Variants in FOXP4 observed in about 807,000 individuals in gnomAD.
The protein encoded by FOXP4 is forkhead box P4.
A neutral mutation model predicts 82.6 loss-of-function variants in FOXP4; 25 were observed. The ratio of observed to expected loss-of-function variants is 0.30; its 90% CI spans 0.22 to 0.42. FOXP4 has a LOEUF of 0.42. FOXP4 is among the 10% of genes least tolerant of loss of function. The pLI, the probability that FOXP4 is intolerant of heterozygous loss-of-function variation, is 1.00. For synonymous variants in FOXP4, 415 were observed against 388.2 expected (o/e 1.07, Z -0.81); for missense variants, 785 against 900.9 (o/e 0.87, Z 1.65).
Position 41,591,090 on chromosome 6 carries a change from T to G in FOXP4, c.1435-131T>G, listed in dbSNP as rs985495725. ...CACCACCCATCTTGTTATCCACACA[T>G]TTCTGAGCAGGTCTTCTCACAAAGT... On this transcript the variant is annotated intron_variant, in intron 12 of 16. Coordinates refer to ENST00000307972, the MANE Select transcript of FOXP4 (RefSeq NM_001012426.2). The surrounding 1 kb of genome is among the most constrained non-coding windows in gnomAD (Gnocchi z 4.2). 4 of 729,284 alleles carry G rather than the reference T, an allele frequency of 5.5e-6. No homozygotes were observed. The highest frequency in any genetic ancestry group is 9.5e-6 in the Non-Finnish European group (4 of 422,118). The allele number at this position is 729,284 out of a possible 1,614,324, so 45.2% of individuals were successfully genotyped here.
chr6:41,555,532 C>A (rs1264121291), intron 1 of FOXP4, among the ~76,000 whole-genome samples: 1 of 152,204 alleles, frequency 6.6e-6, no homozygotes, highest in African/African-American at 2.4e-5. Flanking sequence ...CCCTCTAGAG[C>A]CCCTCCTGTG....
chr6:41,590,128 C>G lies in FOXP4; in HGVS notation c.1315C>G (p.Arg439Gly). Residue 439 changes from arginine to glycine, a missense_variant, in exon 11 of 17, where the codon CGT becomes GGT. By Grantham distance (125) the Arg-to-Gly change is moderately radical. Transcript: ENST00000307972. ...CTCCCTGCATGGTGGGGGCCCAGCC[C>G]GTCGGAGAAGCAGTGACAAGTTCTG... ...SASLHGGGPA[R>G]RRSSDKFCSP... The G allele has an allele frequency of 5.0e-6, 8 of 1,610,848 alleles. No individual in the cohort carries two copies. The highest frequency in any genetic ancestry group is 6.8e-6 in the Non-Finnish European group (8 of 1,177,708).
intron 8 of FOXP4, 26 bp downstream of exon 8, chr6:41,587,923 C>G: frequency 3.0e-6 from 4 of 1,326,804 alleles, no homozygotes; most frequent in South Asian, 1.3e-5. Context: ...AGCCCCTCCC[C>G]CAGCAGCCTT....
chr6:41,584,634 C>A, intron 3 of FOXP4, 135 bp from the exon 4 acceptor site: 1 of 990,236 alleles, frequency 1.0e-6, no homozygotes, highest in Non-Finnish European at 1.5e-6. Flanking sequence ...AGACAGCCAG[C>A]AGGCAGCAGA....
At chr6:41,597,753 G>C in intron 15 of FOXP4, 28 bp from the exon 16 acceptor site, 1 of 1,599,232 alleles carries the variant, frequency 6.3e-7, no homozygotes, top group Admixed American at 1.7e-5. Context: ...TGGAGCCACT[G>C]ACGAGGCCCA....
intron 2 of FOXP4, among the ~76,000 whole-genome samples, chr6:41,574,875 C>T (rs1489030947): frequency 6.6e-6 from 1 of 152,206 alleles, no homozygotes; most frequent in African/African-American, 2.4e-5. Context: ...GAGACTTCCC[C>T]AGGTAGAAGA....
chr6:41,590,828 G>A (rs912096866), intron 12 of FOXP4, among the ~76,000 whole-genome samples: 7 of 152,152 alleles, frequency 4.6e-5, no homozygotes, highest in Non-Finnish European at 7.3e-5. Flanking sequence ...TGTGCTTAGG[G>A]TACCTTTTGC....
chr6:41,587,310 C>G lies in FOXP4; in HGVS notation c.670C>G (p.Pro224Ala), dbSNP rs765089602. ...TGTCTCTCCCACAGCAGCTGTTTGC[C>G]CAACAGACCTGCCCCAGCTGTGGAA... ...LQTLPQAAVC[P>A]TDLPQLWKGE... Residue 224 changes from proline to alanine, a missense_variant, in exon 7 of 17, where the codon CCA becomes GCA. Physicochemically the swap from Pro to Ala is conservative, Grantham distance 27. This residue lies in a region of FOXP4 where 570 missense variants were observed against 634.0 expected (regional missense o/e 0.90). Transcript: ENST00000307972. 1 of 1,613,080 alleles carries G rather than the reference C, an allele frequency of 6.2e-7. No homozygotes were observed. The highest frequency in any genetic ancestry group is 1.7e-5 in the Admixed American group (1 of 59,992).
At chr6:41,574,191 C>T (rs1274248823) in intron 2 of FOXP4, among the ~76,000 whole-genome samples, 2 of 152,166 alleles carry the variant, frequency 1.3e-5, no homozygotes, top group Admixed American at 6.5e-5. Flanking sequence ...CTTCACTTCC[C>T]CTTCTCACTG....
At chr6:41,559,895 C>T (rs1764470520) in intron 1 of FOXP4, among the ~76,000 whole-genome samples, 1 of 152,198 alleles carries the variant, frequency 6.6e-6, no homozygotes. Context: ...GCCCAGTAAT[C>T]TGTGTTTTAA....
At chr6:41,575,744 T>A (rs1298983249) in intron 2 of FOXP4, among the ~76,000 whole-genome samples, 1 of 55,816 alleles carries the variant, frequency 1.8e-5, no homozygotes, top group Non-Finnish European at 3.3e-5. Flanking sequence ...TGCCCCCAAC[T>A]GCCCCCAGGA....
intron 2 of FOXP4, chr6:41,570,447 G>T: frequency 2.1e-6 from 1 of 468,306 alleles, no homozygotes; most frequent in South Asian, 1.6e-5. Flanking sequence ...CTGTGGCTGG[G>T]AGAGGGCCTT....
chr6:41,596,232 T>G (rs932010059), intron 14 of FOXP4, among the ~76,000 whole-genome samples: 3 of 152,214 alleles, frequency 2.0e-5, no homozygotes, highest in Admixed American at 2.0e-4. Context: ...CTGAGGAGCC[T>G]GGGACAGGGT....
rs1766731887 is a variant in FOXP4, at chr6:41,594,886, A to G, written c.1553A>G (p.Asn518Ser). 6.2e-7 allele frequency: 1 copy of G among 1,614,078 alleles called. No individual in the cohort carries two copies. Among genetic ancestry groups the G allele is most frequent in the Non-Finnish European group, 8.5e-7 (1 of 1,180,034 alleles). Residue 518 changes from asparagine (N) to serine (S), a missense_variant, in exon 14 of 17, where the codon AAC (asparagine) becomes AGC (serine). Around this residue, in one of 3 missense-constraint regions of FOXP4, gnomAD observed 31 missense variants for 79.6 expected, o/e 0.39. Transcript: ENST00000307972. Reference protein sequence around the residue: ...TATWKNAVRHNLSLHKCFVRV... With the variant: ...TATWKNAVRHSLSLHKCFVRV... ...CACCCACAGAACGCCGTGCGCCACA[A>G]CCTCAGCCTGCACAAGTGCTTCGTC... is the stretch of plus-strand genomic sequence containing the variant.
chr6:41,591,413 C>A lies in FOXP4; in HGVS notation c.1536+91C>A. On this transcript the variant is annotated intron_variant, in intron 13 of 16. Transcript: ENST00000307972. The surrounding 1 kb of genome is among the most constrained non-coding windows in gnomAD (Gnocchi z 4.2). ...CCAAGGCTGCCTAACAATTAGTTCC[C>A]TAAACCATTAGTCCTGCAGAAACAG... The A allele has an allele frequency of 8.8e-7, 1 of 1,138,252 alleles. No individual in the cohort carries two copies. Among genetic ancestry groups the A allele is most frequent in the Non-Finnish European group, 1.3e-6 (1 of 782,240 alleles). 70.5% of individuals were successfully genotyped at this position (1,138,252 alleles called of 1,614,324 possible).
chr6:41,582,424 G>C (rs1248428539), intron 3 of FOXP4, among the ~76,000 whole-genome samples: 2 of 152,274 alleles, frequency 1.3e-5, no homozygotes, highest in African/African-American at 4.8e-5. Flanking sequence ...CCAAATCCCA[G>C]TTAGCCGACC....
chr6:41,571,899 T>C (rs1765221268), intron 2 of FOXP4, among the ~76,000 whole-genome samples: 1 of 152,092 alleles, frequency 6.6e-6, no homozygotes, highest in Admixed American at 6.6e-5. Context: ...TCTTCCACCC[T>C]CTGGTCCCTG....
At chr6:41,570,879 C>A (rs1162912139) in intron 2 of FOXP4, among the ~76,000 whole-genome samples, 1 of 152,194 alleles carries the variant, frequency 6.6e-6, no homozygotes, top group Non-Finnish European at 1.5e-5. Context: ...GGAGAGCTGG[C>A]TTTTCCCCTG....
chr6:41,584,523 T>A (rs1407178600), intron 3 of FOXP4, among the ~76,000 whole-genome samples: 1 of 152,250 alleles, frequency 6.6e-6, no homozygotes, highest in Non-Finnish European at 1.5e-5. Context: ...TATTCACTGA[T>A]TAGTCCTTAT....
Sources: gnomAD v4.1 joint callset for allele counts (sites outside exome capture counted in the v4.1 genomes callset) on GRCh38, gnomAD v4.1.1 for gene constraint, gnomAD v4.1.1 regional missense constraint, Gnocchi (gnomAD v3.1) non-coding constraint, MANE v1.5 for transcripts, NCBI Gene and HGNC (gene_info 2026-07-23, HGNC 2026-07-21) for gene names.